Variants in GRID1 observed in about 807,000 individuals in gnomAD.
GRID1 encodes glutamate ionotropic receptor delta type subunit 1, also known as glutamate receptor ionotropic, delta-1.
A neutral mutation model predicts 98.0 loss-of-function variants in GRID1; 28 were observed. That is an observed-to-expected ratio of 0.29 (90% CI 0.21 to 0.39). GRID1 has a LOEUF of 0.39. Among genes scored for constraint, GRID1 ranks in the 10% least tolerant of loss-of-function variants. The pLI is 1.00. For missense variants in GRID1, 1,111 were observed against 1,340.5 expected, an observed-to-expected ratio of 0.83 and a Z score of 2.67; for synonymous variants, 553 against 538.5, an observed-to-expected ratio of 1.03 and a Z score of -0.37.
intron 2 of GRID1, among the ~76,000 whole-genome samples, chr10:86,259,675 T>C (rs185625645): frequency 1.6e-4 from 25 of 152,320 alleles, no homozygotes; most frequent in Admixed American, 5.2e-4. Context: ...TGTGTGTGTG[T>C]GTGCACGCAC....
intron 4 of GRID1, among the ~76,000 whole-genome samples, chr10:85,969,906 T>C (rs1186750655): frequency 6.0e-5 from 9 of 150,730 alleles, no homozygotes. Flanking sequence ...AAGCAAAGAG[T>C]TGATTTTTTT....
chr10:85,964,102 A>C (rs1589315994), intron 4 of GRID1, among the ~76,000 whole-genome samples: 2 of 152,344 alleles, frequency 1.3e-5, no homozygotes, highest in East Asian at 3.9e-4. Context: ...CTCTTCAAGG[A>C]GGACTATAGA....
At chr10:85,744,055 C>G (rs1450568430) in intron 8 of GRID1, among the ~76,000 whole-genome samples, 1 of 152,102 alleles carries the variant, frequency 6.6e-6, no homozygotes, top group African/African-American at 2.4e-5. Context: ...AAGAGAGGTT[C>G]TCAATGCAAA....
chr10:86,262,082 T>C (rs1847024858), intron 2 of GRID1, among the ~76,000 whole-genome samples: 1 of 152,116 alleles, frequency 6.6e-6, no homozygotes, highest in Admixed American at 6.5e-5. Flanking sequence ...GTGGCAGTGG[T>C]GAATCTGGCC....
At chr10:85,782,743 G>A (rs1842392167) in intron 8 of GRID1, among the ~76,000 whole-genome samples, 1 of 152,242 alleles carries the variant, frequency 6.6e-6, no homozygotes, top group African/African-American at 2.4e-5. Context: ...ATACTGCCAG[G>A]GCAGCTGCTG....
At chr10:86,175,591 G>A (rs1046388654) in intron 3 of GRID1, among the ~76,000 whole-genome samples, 6 of 152,142 alleles carry the variant, frequency 3.9e-5, no homozygotes, top group South Asian at 2.1e-4. Context: ...GGACCTTTCC[G>A]CTGTTAACCC....
chr10:86,325,424 C>T (rs1848034958), intron 2 of GRID1, among the ~76,000 whole-genome samples: 1 of 152,214 alleles, frequency 6.6e-6, no homozygotes, highest in Non-Finnish European at 1.5e-5. Context: ...ACTCAACCTC[C>T]ACTTATGCTC....
chr10:86,201,008 G>A (rs1436293073), intron 3 of GRID1, among the ~76,000 whole-genome samples: 1 of 152,158 alleles, frequency 6.6e-6, no homozygotes, highest in Admixed American at 6.5e-5. Flanking sequence ...AAACAGTTTG[G>A]TCTAACCTAA....
chr10:85,865,982 G>A lies in GRID1; in HGVS notation c.951+3028C>T, dbSNP rs1329848889. Among the ~76,000 whole-genome samples the A allele has an allele frequency of 3.4e-4, 45 of 132,154 alleles. 2 individuals carry two copies. Among genetic ancestry groups the A allele is most frequent in the African/African-American group, 1.2e-3 (44 of 36,418 alleles). The allele number at this position is 132,154 out of a possible 152,430, so 86.7% of individuals were successfully genotyped here. On this transcript the variant is annotated intron_variant, in intron 6 of 15. Coordinates refer to ENST00000327946, the MANE Select transcript of GRID1 (RefSeq NM_017551.3). Reference sequence around the variant, plus strand: ...AGAGAGAGAGAGAGAGAGAGAGAGAGAGAGAGAGAGAGAGAGGCATCTAGG... The same window carrying A: ...AGAGAGAGAGAGAGAGAGAGAGAGAAAGAGAGAGAGAGAGAGGCATCTAGG...
chr10:85,622,224 C>T (rs529859362), intron 13 of GRID1, among the ~76,000 whole-genome samples: 1 of 151,632 alleles, frequency 6.6e-6, no homozygotes, highest in African/African-American at 2.4e-5. Flanking sequence ...TCCTGCTGGC[C>T]TAAGCTGAGA....
At chr10:85,934,081 T>C (rs558937524) in intron 4 of GRID1, among the ~76,000 whole-genome samples, 11 of 152,204 alleles carry the variant, frequency 7.2e-5, no homozygotes, top group Non-Finnish European at 1.3e-4. Flanking sequence ...CTCAATCAGA[T>C]TGGGCTCCAC....
intron 4 of GRID1, among the ~76,000 whole-genome samples, chr10:86,041,663 A>T (rs1481524124): frequency 1.3e-5 from 2 of 152,162 alleles, no homozygotes; most frequent in Non-Finnish European, 2.9e-5. Flanking sequence ...CCTGACCATC[A>T]AGCCTCGGTT....
At chr10:85,622,162 T>C (rs901451449) in intron 13 of GRID1, among the ~76,000 whole-genome samples, 1 of 152,098 alleles carries the variant, frequency 6.6e-6, no homozygotes, top group Non-Finnish European at 1.5e-5. Context: ...GTGACTCAGT[T>C]TGGGCTCAGG....
intron 12 of GRID1, among the ~76,000 whole-genome samples, chr10:85,655,480 G>C (rs910955329): frequency 1.3e-5 from 2 of 152,170 alleles, no homozygotes; most frequent in Non-Finnish European, 2.9e-5. Flanking sequence ...ATGTTTTCTG[G>C]AAGAATGAAC....
chr10:86,136,786 G>A lies in GRID1; in HGVS notation c.726+2033C>T, dbSNP rs541671568. 2.8e-3 allele frequency among the ~76,000 whole-genome samples: 430 copies of A among 152,226 alleles called. 1 individual carries two copies. The highest frequency in any genetic ancestry group is 0.017 in the Middle Eastern group (5 of 294). On this transcript the variant is annotated intron_variant, in intron 4 of 15. Coordinates refer to ENST00000327946, the MANE Select transcript of GRID1 (RefSeq NM_017551.3). ...CAACAATCCCAGGGACTTGACTGACGTTAAGAGTCCAGCAAAAGAAACTGT... is the reference window on the plus strand; with the variant it reads ...CAACAATCCCAGGGACTTGACTGACATTAAGAGTCCAGCAAAAGAAACTGT...
intron 2 of GRID1, among the ~76,000 whole-genome samples, chr10:86,246,564 C>T (rs896713249): frequency 1.3e-5 from 2 of 152,172 alleles, no homozygotes; most frequent in Admixed American, 6.5e-5. Context: ...GAGCCATCTC[C>T]CCTTGCTGGC....
chr10:86,337,793 G>A (rs1454845822), intron 2 of GRID1, among the ~76,000 whole-genome samples: 11 of 134,882 alleles, frequency 8.2e-5, no homozygotes, highest in Non-Finnish European at 4.5e-5. Context: ...CTGAAACCTC[G>A]GTCTCCCAGG....
At chr10:85,828,464 C>T (rs192225100) in intron 8 of GRID1, among the ~76,000 whole-genome samples, 9 of 151,642 alleles carry the variant, frequency 5.9e-5, no homozygotes, top group South Asian at 4.2e-4. Flanking sequence ...TGAATGAAAC[C>T]GAGATGTGAA....
At chr10:85,808,365 C>A (rs1157784451) in intron 8 of GRID1, among the ~76,000 whole-genome samples, 1 of 152,116 alleles carries the variant, frequency 6.6e-6, no homozygotes, top group Non-Finnish European at 1.5e-5. Context: ...GAGAAAGGAA[C>A]AATTTGAAAT....
Sources: gnomAD v4.1 joint callset for allele counts (sites outside exome capture counted in the v4.1 genomes callset) on GRCh38, gnomAD v4.1.1 for gene constraint, MANE v1.5 for transcripts, NCBI Gene and HGNC (gene_info 2026-07-23, HGNC 2026-07-21) for gene names.